GRM7: variants seen among roughly 807,000 people sequenced by gnomAD.
GRM7 encodes the protein glutamate metabotropic receptor 7.
A neutral mutation model predicts 84.5 loss-of-function variants in GRM7; 35 were observed. The ratio of observed to expected loss-of-function variants is 0.41; its 90% confidence interval spans 0.32 to 0.55. The LOEUF is 0.55. GRM7 is among the 20% of genes least tolerant of loss of function. The pLI is 0.19. For missense variants in GRM7, 1,003 were observed against 1,194.6 expected, an observed-to-expected ratio of 0.84 and a Z score of 2.36; for synonymous variants, 487 against 455.1, an observed-to-expected ratio of 1.07 and a Z score of -0.89.
chr3:7,161,739 T>A (rs369749973), intron 2 of GRM7, among the ~76,000 whole-genome samples: 1 of 152,242 alleles, frequency 6.6e-6, no homozygotes, highest in Non-Finnish European at 1.5e-5. Flanking sequence ...TGCCTACTGG[T>A]GTCAAGCACT....
chr3:6,933,528 AAATACGGG>A (rs1259428665), intron 1 of GRM7, among the ~76,000 whole-genome samples: 3 of 152,194 alleles, frequency 2.0e-5, no homozygotes, highest in African/African-American at 7.2e-5. Context: ...ATTGTATTTG[AAATACGGG>A]AGGACATTGA....
At chr3:7,028,405 G>A (rs1696056744) in intron 1 of GRM7, among the ~76,000 whole-genome samples, 1 of 152,174 alleles carries the variant, frequency 6.6e-6, no homozygotes, top group Non-Finnish European at 1.5e-5. Flanking sequence ...TGGTTCAAGA[G>A]TGGATTTAAA....
chr3:7,356,834 T>C (rs752806913), intron 4 of GRM7, among the ~76,000 whole-genome samples: 1 of 151,690 alleles, frequency 6.6e-6, no homozygotes, highest in Non-Finnish European at 1.5e-5. Context: ...GATTTAGCTA[T>C]GCTACTGACT....
At chr3:6,979,699 C>G (rs1428863868) in intron 1 of GRM7, among the ~76,000 whole-genome samples, 1 of 152,026 alleles carries the variant, frequency 6.6e-6, no homozygotes, top group Non-Finnish European at 1.5e-5. Flanking sequence ...ATTGCATTAT[C>G]TTATTTTGTA....
intron 5 of GRM7, among the ~76,000 whole-genome samples, chr3:7,431,847 A>G (rs1696843118): frequency 1.3e-5 from 2 of 152,226 alleles, no homozygotes; most frequent in African/African-American, 4.8e-5. Flanking sequence ...ATGTGGAGCA[A>G]TATGTAGACT....
chr3:7,183,825 GT>G (rs957219055), intron 2 of GRM7, among the ~76,000 whole-genome samples: 3 of 151,990 alleles, frequency 2.0e-5, no homozygotes, highest in African/African-American at 7.3e-5. Context: ...CACACACACA[GT>G]ATTGTAAAAC....
At chr3:7,572,378 A>C (rs1694711541) in intron 7 of GRM7, among the ~76,000 whole-genome samples, 1 of 152,158 alleles carries the variant, frequency 6.6e-6, no homozygotes, top group Non-Finnish European at 1.5e-5. Flanking sequence ...AAATGTGCAA[A>C]CAAATTAGGA....
At chr3:7,115,364 CAT>C (rs1298047155) in intron 1 of GRM7, among the ~76,000 whole-genome samples, 1 of 152,130 alleles carries the variant, frequency 6.6e-6, no homozygotes, top group Non-Finnish European at 1.5e-5. Flanking sequence ...TGCAAAATAA[CAT>C]ATGTCAAGCA....
chr3:6,990,406 G>T (rs371394392), intron 1 of GRM7, among the ~76,000 whole-genome samples: 164 of 152,274 alleles, frequency 1.1e-3, no homozygotes, highest in African/African-American at 3.5e-3. Flanking sequence ...TTAATACTGG[G>T]TTGGGAGATG....
intron 1 of GRM7, among the ~76,000 whole-genome samples, chr3:6,865,283 T>C (rs1374962978): frequency 6.6e-6 from 1 of 152,224 alleles, no homozygotes; most frequent in Non-Finnish European, 1.5e-5. Flanking sequence ...TTGGGATGGC[T>C]GGAAGTAGAG....
intron 1 of GRM7, among the ~76,000 whole-genome samples, chr3:6,933,442 A>G (rs1398209788): frequency 6.6e-6 from 1 of 152,206 alleles, no homozygotes; most frequent in East Asian, 1.9e-4. Context: ...TTTAAATCCA[A>G]TAGATGCTGC....
intron 1 of GRM7, among the ~76,000 whole-genome samples, chr3:6,960,718 T>C (rs1185693917): frequency 1.3e-5 from 2 of 152,208 alleles, no homozygotes; most frequent in Non-Finnish European, 2.9e-5. Flanking sequence ...CTTCCTCTTC[T>C]GACTTGAATA....
chr3:7,238,167 A>C (rs1697413986), intron 2 of GRM7, among the ~76,000 whole-genome samples: 1 of 152,200 alleles, frequency 6.6e-6, no homozygotes, highest in African/African-American at 2.4e-5. Context: ...ACTTCTCATT[A>C]CAGCTCAGAT....
At chr3:7,626,712 C>T (rs1470403578) in intron 8 of GRM7, among the ~76,000 whole-genome samples, 3 of 152,124 alleles carry the variant, frequency 2.0e-5, no homozygotes, top group East Asian at 3.9e-4. Flanking sequence ...ATTAGAGACC[C>T]ACCCTAATCA....
intron 5 of GRM7, among the ~76,000 whole-genome samples, chr3:7,434,839 C>G (rs111838792): frequency 2.0e-5 from 3 of 152,266 alleles, no homozygotes; most frequent in African/African-American, 7.2e-5. Context: ...ACCTCTTCTA[C>G]TCTCTGAAAG....
At chr3:6,907,408 A>C (rs1442958806) in intron 1 of GRM7, among the ~76,000 whole-genome samples, 1 of 152,210 alleles carries the variant, frequency 6.6e-6, no homozygotes, top group Non-Finnish European at 1.5e-5. Flanking sequence ...GCTGAACAAG[A>C]TAAGTAACAG....
intron 1 of GRM7, among the ~76,000 whole-genome samples, chr3:6,864,049 C>T (rs551850678): frequency 6.6e-6 from 1 of 152,258 alleles, no homozygotes; most frequent in South Asian, 2.1e-4. Context: ...TTTCTCCATT[C>T]CCTGAGCTGA....
At chr3:6,987,473 C>A (rs1414062727) in intron 1 of GRM7, among the ~76,000 whole-genome samples, 1 of 151,746 alleles carries the variant, frequency 6.6e-6, no homozygotes, top group Non-Finnish European at 1.5e-5. Context: ...TCAGAGAAGA[C>A]CTCTCGAAGA....
At chr3:7,309,278 CA>C (rs1331818207) in intron 4 of GRM7, among the ~76,000 whole-genome samples, 1 of 152,154 alleles carries the variant, frequency 6.6e-6, no homozygotes, top group East Asian at 1.9e-4. Flanking sequence ...TCAGTTATGC[CA>C]AAGCTTCTGA....
Sources: gnomAD v4.1 joint callset for allele counts (sites outside exome capture counted in the v4.1 genomes callset) on GRCh38, gnomAD v4.1.1 for gene constraint, MANE v1.5 for transcripts, NCBI Gene and HGNC (gene_info 2026-07-23, HGNC 2026-07-21) for gene names.